Variants in SULT1B1 observed in about 807,000 individuals in gnomAD.
The protein encoded by SULT1B1 is sulfotransferase family 1B member 1.
In SULT1B1, 28 loss-of-function variants were observed where a neutral mutation model predicts 34.6. That is an observed-to-expected ratio of 0.81 (90% CI 0.60 to 1.11). The LOEUF is 1.11. Ranked by LOEUF, SULT1B1 falls within the 50% of genes least tolerant of loss-of-function variation. The pLI, the probability that SULT1B1 is intolerant of heterozygous loss-of-function variation, is 0.00. For missense variants in SULT1B1, 374 were observed against 352.2 expected (o/e 1.06, Z -0.50); for synonymous variants, 147 against 110.2 (o/e 1.33, Z -2.09).
At chr4:69,731,110 G>C (rs1295980698) in intron 6 of SULT1B1, among the ~76,000 whole-genome samples, 6 of 152,176 alleles carry the variant, frequency 3.9e-5, no homozygotes, top group African/African-American at 1.2e-4. Context: ...TAGTAGTCCA[G>C]GGATCGCCAA....
chr4:69,754,070 A>G (rs375568084), intron 3 of SULT1B1, among the ~76,000 whole-genome samples: 2 of 152,154 alleles, frequency 1.3e-5, no homozygotes, highest in East Asian at 3.9e-4. Flanking sequence ...TTTTTCCTTT[A>G]TTACCCACTT....
rs373975452 is a variant in SULT1B1 at position 69,727,067 on chromosome 4, C to A, written c.*21G>T. 112 of 1,557,670 alleles carry A rather than the reference C, an allele frequency of 7.2e-5. No individual in the cohort carries two copies. Among genetic ancestry groups the A allele is most frequent in the Admixed American group, 1.5e-4 (8 of 53,896 alleles). Reference sequence around the variant, plus strand: ...AACTACAGACAATCTCTTATTTCTTCAGATGTGTGATTTAGACACTTTAAA... The same window carrying A: ...AACTACAGACAATCTCTTATTTCTTAAGATGTGTGATTTAGACACTTTAAA... On this transcript the variant is annotated 3_prime_UTR_variant, in exon 8 of 8. Coordinates refer to ENST00000310613, the MANE Select transcript of SULT1B1 (RefSeq NM_014465.4).
At chr4:69,747,664 G>A (rs73826833) in intron 4 of SULT1B1, among the ~76,000 whole-genome samples, 4,295 of 152,244 alleles carry the variant, frequency 0.028, 196 homozygotes, top group African/African-American at 0.098. Context: ...TCCACACAGC[G>A]TAGAGTACTG....
intron 1 of SULT1B1, among the ~76,000 whole-genome samples, chr4:69,759,165 T>C (rs1719302692): frequency 6.6e-6 from 1 of 152,210 alleles, no homozygotes. Flanking sequence ...TACCCTGAAA[T>C]GATAAGTCTT....
intron 6 of SULT1B1, 134 bp downstream of exon 6, chr4:69,733,279 G>A (rs1578048884): frequency 3.7e-6 from 2 of 541,702 alleles, no homozygotes; most frequent in South Asian, 7.5e-5. Flanking sequence ...GCAAGATTTG[G>A]GTAAAAACAC....
intron 5 of SULT1B1, 145 bp from the exon 6 acceptor site, chr4:69,733,652 G>T: frequency 1.8e-6 from 1 of 570,936 alleles, no homozygotes; most frequent in Non-Finnish European, 2.9e-6. Context: ...AGTAAAATTA[G>T]CTATTTATGG....
chr4:69,733,567 A>T (rs1718173931), intron 5 of SULT1B1, 60 bp from the exon 6 acceptor site: 2 of 1,247,038 alleles, frequency 1.6e-6, no homozygotes, highest in East Asian at 2.5e-5. Context: ...TTTCTGTCTG[A>T]ATAGTAAATC....
intron 3 of SULT1B1, among the ~76,000 whole-genome samples, chr4:69,753,555 C>T (rs975573844): frequency 1.3e-5 from 2 of 151,928 alleles, no homozygotes; most frequent in African/African-American, 4.8e-5. Flanking sequence ...CCCACTTTTT[C>T]CTTCTTTCAT....
intron 1 of SULT1B1, among the ~76,000 whole-genome samples, chr4:69,759,152 A>G (rs1451540343): frequency 6.6e-6 from 1 of 152,220 alleles, no homozygotes. Context: ...TCTAATCATT[A>G]CCTACCCTGA....
chr4:69,728,925 C>A (rs932979475), intron 7 of SULT1B1, among the ~76,000 whole-genome samples: 3 of 151,960 alleles, frequency 2.0e-5, no homozygotes, highest in Middle Eastern at 3.2e-3. Context: ...ATGTTCTTAA[C>A]CCCCTAGAGA....
intron 4 of SULT1B1, among the ~76,000 whole-genome samples, chr4:69,744,965 A>G (rs558456700): frequency 1.3e-5 from 2 of 152,106 alleles, no homozygotes; most frequent in African/African-American, 4.8e-5. Context: ...CTTTTTTAAA[A>G]TTTTCTGCCT....
intron 3 of SULT1B1, among the ~76,000 whole-genome samples, chr4:69,751,780 C>T (rs1415315291): frequency 6.6e-6 from 1 of 152,158 alleles, no homozygotes; most frequent in African/African-American, 2.4e-5. Flanking sequence ...TGCAGTTTAC[C>T]CTCATCTACC....
Position 69,726,787 on chromosome 4 carries a change from T to C in SULT1B1, c.*301A>G, listed in dbSNP as rs1717848124. 5.0e-6 allele frequency: 1 copy of C among 198,962 alleles called. No homozygotes were observed. Among genetic ancestry groups the C allele is most frequent in the Non-Finnish European group, 1.0e-5 (1 of 99,682 alleles). 12.3% of individuals were successfully genotyped at this position (198,962 alleles called of 1,614,324 possible). A position where few individuals can be genotyped will look rare whatever the true frequency, so the allele number is the denominator to read the frequency against. ...AAATCATAATATATGGGAGATTAAG[T>C]AAAATAAATCCCTTCTTTCTTATCA... On this transcript the variant is annotated 3_prime_UTR_variant, in exon 8 of 8. Coordinates refer to ENST00000310613, the MANE Select transcript of SULT1B1 (RefSeq NM_014465.4).
At chr4:69,744,155 G>C (rs924713174) in intron 4 of SULT1B1, among the ~76,000 whole-genome samples, 1 of 152,094 alleles carries the variant, frequency 6.6e-6, no homozygotes, top group Non-Finnish European at 1.5e-5. Flanking sequence ...GTCTAACCAC[G>C]CTGCTCCCCC....
chr4:69,754,774 A>G lies in SULT1B1; in HGVS notation c.173T>C (p.Ile58Thr), dbSNP rs917086480. 1.2e-6 allele frequency: 2 copies of G among 1,612,536 alleles called. No homozygotes were observed. Among genetic ancestry groups the G allele is most frequent in the Admixed American group, 1.7e-5 (1 of 59,860 alleles). Residue 58 changes from isoleucine to threonine, a missense_variant, in exon 3 of 8, where the codon ATA becomes ACA. Physicochemically the swap from Ile to Thr is moderately conservative, Grantham distance 89 (BLOSUM62 -1). Coordinates refer to ENST00000310613, the MANE Select transcript of SULT1B1 (RefSeq NM_014465.4). ...ATCTCCATCATTTAGAATCATGTCT[A>G]TAATTTCACTAACCCAAGTAGTACC... ...KSGTTWVSEIIDMILNDGDIE... is the reference protein window; with the variant it reads ...KSGTTWVSEITDMILNDGDIE...
At position 69,725,564 on chromosome 4, in the gene SULT1B1, A is replaced by T. The variant is rs1442724138; in HGVS notation, c.*1524T>A. On this transcript the variant is annotated 3_prime_UTR_variant, in exon 8 of 8. Coordinates refer to ENST00000310613, the MANE Select transcript of SULT1B1 (RefSeq NM_014465.4). The stretch of plus-strand genomic sequence containing the variant: ...ATAAATCATGCTGCTATAAAGACAC[A>T]TGCACACGTATATTTATTGCGGCAC... 1.3e-5 allele frequency: 2 copies of T among 152,164 alleles called. No homozygotes were observed. Among genetic ancestry groups the T allele is most frequent in the African/African-American group, 4.8e-5 (2 of 41,440 alleles). The allele number at this position is 152,164 out of a possible 1,614,324, so 9.4% of individuals were successfully genotyped here.
chr4:69,746,277 AT>A (rs1718742966), intron 4 of SULT1B1, among the ~76,000 whole-genome samples: 1 of 152,192 alleles, frequency 6.6e-6, no homozygotes, highest in African/African-American at 2.4e-5. Flanking sequence ...GAAAATTTTT[AT>A]TGACAATATC....
At chr4:69,759,412 C>T (rs1473105903) in intron 1 of SULT1B1, among the ~76,000 whole-genome samples, 7 of 152,084 alleles carry the variant, frequency 4.6e-5, no homozygotes, top group Non-Finnish European at 8.8e-5. Context: ...GAAAATCCCC[C>T]GTGACAAAAA....
chr4:69,733,803 C>A (rs571598463), intron 5 of SULT1B1, among the ~76,000 whole-genome samples: 2 of 152,208 alleles, frequency 1.3e-5, no homozygotes, highest in East Asian at 3.9e-4. Context: ...CAACTATTTA[C>A]CTAAGTACTA....
Sources: gnomAD v4.1 joint callset for allele counts (sites outside exome capture counted in the v4.1 genomes callset) on GRCh38, gnomAD v4.1.1 for gene constraint, MANE v1.5 for transcripts, NCBI Gene and HGNC (gene_info 2026-07-23, HGNC 2026-07-21) for gene names.